The following FAF1 variants were observed in gnomAD, a reference collection of about 807,000 sequenced individuals.
FAF1 encodes the protein Fas associated factor 1.
Under a neutral mutation model 92.5 loss-of-function variants are expected in FAF1, and 25 were observed. The ratio of observed to expected loss-of-function variants is 0.27; its 90% CI spans 0.20 to 0.38. FAF1 has a LOEUF of 0.38. FAF1 is among the 10% of genes least tolerant of loss of function. The pLI, the probability that FAF1 is intolerant of heterozygous loss-of-function variation, is 1.00. For synonymous variants in FAF1, 234 were observed against 273.2 expected, an observed-to-expected ratio of 0.86 and a Z score of 1.42; for missense variants, 636 against 793.3, an observed-to-expected ratio of 0.80 and a Z score of 2.38.
chr1:50,637,912 G>GTGTA (rs772641853), intron 8 of FAF1, among the ~76,000 whole-genome samples: 1 of 148,740 alleles, frequency 6.7e-6, no homozygotes, highest in Non-Finnish European at 1.5e-5. Context: ...AGATAAATTT[G>GTGTA]TGTATATATA....
chr1:50,479,685 CA>C (rs1646678102), intron 17 of FAF1, among the ~76,000 whole-genome samples: 1 of 152,092 alleles, frequency 6.6e-6, no homozygotes, highest in South Asian at 2.1e-4. Context: ...TGAATTCAAC[CA>C]ATTATATTAC....
At chr1:50,593,850 A>G (rs1216766605) in intron 9 of FAF1, among the ~76,000 whole-genome samples, 3 of 152,228 alleles carry the variant, frequency 2.0e-5, no homozygotes, top group African/African-American at 7.2e-5. Context: ...TACGTATTCA[A>G]AGGATGGCTG....
In FAF1 at chr1:50,583,863, T is replaced by C. The variant is rs1164281495; in HGVS notation, c.968-148A>G. The C allele has an allele frequency of 5.8e-6, 3 of 514,336 alleles. No homozygotes were observed. Among genetic ancestry groups the C allele is most frequent in the Non-Finnish European group, 1.0e-5 (3 of 290,040 alleles). The allele number at this position is 514,336 out of a possible 1,614,324, so 31.9% of individuals were successfully genotyped here. ...ATTAAATTTTAGCTTCTGTGATATA[T>C]CTGAGGGGATAGTTTAACTCAACAT... On this transcript the variant is annotated intron_variant, in intron 10 of 18. Transcript: ENST00000396153. The surrounding 1 kb of genome is among the most constrained non-coding windows in gnomAD (Gnocchi z 4.2).
At chr1:50,496,409 G>A (rs564151082) in intron 15 of FAF1, among the ~76,000 whole-genome samples, 3 of 152,150 alleles carry the variant, frequency 2.0e-5, no homozygotes, top group Non-Finnish European at 4.4e-5. Flanking sequence ...TACTAAGCAT[G>A]TCAGAAAGAA....
chr1:50,482,731 A>T (rs1198202551), intron 17 of FAF1, among the ~76,000 whole-genome samples: 1 of 152,014 alleles, frequency 6.6e-6, no homozygotes, highest in East Asian at 1.9e-4. Flanking sequence ...TTGTGGTTTT[A>T]ATTTGTATCT....
intron 2 of FAF1, among the ~76,000 whole-genome samples, chr1:50,816,342 G>C (rs1643975264): frequency 6.6e-6 from 1 of 151,558 alleles, no homozygotes; most frequent in Non-Finnish European, 1.5e-5. Flanking sequence ...GTAGCTGGGA[G>C]TACAGGCGCC....
intron 7 of FAF1, among the ~76,000 whole-genome samples, chr1:50,698,587 G>C (rs1044705596): frequency 9.9e-5 from 15 of 151,960 alleles, no homozygotes; most frequent in Non-Finnish European, 1.3e-4. Flanking sequence ...AAAATTTTTT[G>C]CAGTGAGTTT....
In FAF1 at chr1:50,738,858, CT is replaced by C; in HGVS notation, c.551+4del. On this transcript the variant is annotated splice_donor_region_variant and intron_variant, in intron 6 of 18. Coordinates refer to ENST00000396153, the MANE Select transcript of FAF1 (RefSeq NM_007051.3). ...TCATGTTCCCAGGAAATATAAACAA[CT>C]TACCCAGCATGACTAGATGATGAAG... The C allele has an allele frequency of 6.3e-7, 1 of 1,579,806 alleles. No individual in the cohort carries two copies. The highest frequency in any genetic ancestry group is 8.7e-7 in the Non-Finnish European group (1 of 1,154,174).
chr1:50,871,661 T>C (rs1644529091), intron 1 of FAF1, among the ~76,000 whole-genome samples: 1 of 152,192 alleles, frequency 6.6e-6, no homozygotes, highest in African/African-American at 2.4e-5. Flanking sequence ...GAAAAACAGA[T>C]TCCTTTCAAA....
chr1:50,799,672 T>G (rs1661900110), intron 3 of FAF1, among the ~76,000 whole-genome samples: 1 of 152,168 alleles, frequency 6.6e-6, no homozygotes, highest in African/African-American at 2.4e-5. Context: ...ATATAGTAAT[T>G]TATTTAAACT....
intron 18 of FAF1, among the ~76,000 whole-genome samples, chr1:50,463,020 A>G (rs1243498827): frequency 6.6e-6 from 1 of 152,330 alleles, no homozygotes; most frequent in East Asian, 1.9e-4. Context: ...AAGGGTTACC[A>G]TTATTCCCAG....
chr1:50,729,324 G>C (rs2124470342), intron 6 of FAF1, among the ~76,000 whole-genome samples: 1 of 151,536 alleles, frequency 6.6e-6, no homozygotes, highest in African/African-American at 2.4e-5. Context: ...CAAAGCGCTG[G>C]GATTACAGGT....
chr1:50,699,041 T>C lies in FAF1; in HGVS notation c.657+6745A>G, dbSNP rs916672460. The stretch of plus-strand genomic sequence containing the variant: ...ATTTACAATTATCATGATGAACTAT[T>C]GGTATGATTTTGTTGTATTCTTTGA... On this transcript the variant is annotated intron_variant, in intron 7 of 18. Transcript: ENST00000396153. Among the ~76,000 whole-genome samples, 7 of 152,196 alleles carry C rather than the reference T, an allele frequency of 4.6e-5. No homozygotes were observed. The South Asian group carries it at 1.5e-3, about 32-fold the overall frequency.
chr1:50,717,419 T>C (rs527952707), intron 6 of FAF1, among the ~76,000 whole-genome samples: 1 of 152,272 alleles, frequency 6.6e-6, no homozygotes, highest in South Asian at 2.1e-4. Context: ...AAAGCCAGGA[T>C]GAGGGACTGA....
At chr1:50,690,193 C>T (rs942507558) in intron 7 of FAF1, among the ~76,000 whole-genome samples, 1 of 151,912 alleles carries the variant, frequency 6.6e-6, no homozygotes, top group African/African-American at 2.4e-5. Flanking sequence ...TCAGCGTTAG[C>T]CAGGCAGGTC....
At chr1:50,581,504 A>G (rs1650985438) in intron 12 of FAF1, among the ~76,000 whole-genome samples, 1 of 152,096 alleles carries the variant, frequency 6.6e-6, no homozygotes, top group Non-Finnish European at 1.5e-5. Flanking sequence ...TTAAACATTT[A>G]CTGAATTTTT....
intron 1 of FAF1, among the ~76,000 whole-genome samples, chr1:50,924,754 G>C (rs1471984067): frequency 6.6e-6 from 1 of 152,152 alleles, no homozygotes; most frequent in African/African-American, 2.4e-5. Context: ...AGGCTGAGGT[G>C]GGTGGATCAC....
intron 4 of FAF1, among the ~76,000 whole-genome samples, chr1:50,760,115 T>C (rs1342175286): frequency 6.6e-6 from 1 of 152,018 alleles, no homozygotes; most frequent in African/African-American, 2.4e-5. Context: ...GGTAAAGGGA[T>C]CAATTCAACA....
At chr1:50,765,888 C>T (rs965811467) in intron 4 of FAF1, among the ~76,000 whole-genome samples, 6 of 152,078 alleles carry the variant, frequency 3.9e-5, no homozygotes, top group Non-Finnish European at 7.4e-5. Context: ...GTCAGGAGTT[C>T]AAGACCAGCC....
Sources: gnomAD v4.1 joint callset for allele counts (sites outside exome capture counted in the v4.1 genomes callset) on GRCh38, gnomAD v4.1.1 for gene constraint, Gnocchi (gnomAD v3.1) non-coding constraint, MANE v1.5 for transcripts, NCBI Gene and HGNC (gene_info 2026-07-23, HGNC 2026-07-21) for gene names.